The following NKIRAS1 variants were observed in gnomAD, a reference collection of about 807,000 sequenced individuals.
NKIRAS1 encodes NFKB inhibitor interacting Ras like 1.
A neutral mutation model predicts 19.8 loss-of-function variants in NKIRAS1; 16 were observed. The observed-to-expected ratio is 0.81, with a 90% CI of 0.55 to 1.23. The LOEUF is 1.23. NKIRAS1 is among the 50% of genes most tolerant of loss of function. The probability of loss-of-function intolerance (pLI) is 0.00; values close to 1 mark genes in which losing one functional copy is unlikely to be tolerated. For synonymous variants in NKIRAS1, 88 were observed against 79.0 expected (o/e 1.11, Z -0.61); for missense variants, 184 against 220.0 (o/e 0.84, Z 1.04).
chr3:23,920,012 TC>T, upstream of NKIRAS1: 1 of 986,752 alleles, frequency 1.0e-6, no homozygotes, highest in African/African-American at 1.7e-5. Context: ...AGGTGAAAGC[TC>T]CTGGTTCAGT....
intron 1 of NKIRAS1, chr3:23,923,739 T>C (rs1705157214): frequency 6.6e-6 from 1 of 152,232 alleles, no homozygotes; most frequent in African/African-American, 2.4e-5. Flanking sequence ...TTTATAGATA[T>C]TGCCAAATTG....
intron 1 of NKIRAS1, among the ~76,000 whole-genome samples, chr3:23,943,984 G>A (rs1575138515): frequency 6.6e-6 from 1 of 152,168 alleles, no homozygotes; most frequent in Non-Finnish European, 1.5e-5. Flanking sequence ...TTGACTGCTG[G>A]GGAGAAGTGA....
chr3:23,909,337 C>T (rs1437102247), intron 3 of NKIRAS1, among the ~76,000 whole-genome samples: 14 of 152,092 alleles, frequency 9.2e-5, no homozygotes, highest in Admixed American at 6.5e-4. Context: ...GCCTGGCCAA[C>T]GTGGTGAAAC....
At chr3:23,908,411 T>G (rs1703286453) in intron 3 of NKIRAS1, among the ~76,000 whole-genome samples, 1 of 152,206 alleles carries the variant, frequency 6.6e-6, no homozygotes, top group Non-Finnish European at 1.5e-5. Context: ...CTCCTACCTT[T>G]TCCAACTACA....
chr3:23,933,022 G>T (rs1267520873), intron 1 of NKIRAS1, among the ~76,000 whole-genome samples: 1 of 152,068 alleles, frequency 6.6e-6, no homozygotes, highest in Non-Finnish European at 1.5e-5. Flanking sequence ...GAGACTTCAG[G>T]CCTAATGTAA....
intron 2 of NKIRAS1, 48 bp from the exon 3 acceptor site, chr3:23,910,969 A>G: frequency 1.5e-6 from 2 of 1,368,244 alleles, no homozygotes; most frequent in Non-Finnish European, 2.1e-6. Context: ...GTTGAAATTA[A>G]CCATTTCTTT....
chr3:23,900,147 G>C (rs1300740819), intron 4 of NKIRAS1, among the ~76,000 whole-genome samples: 3 of 151,948 alleles, frequency 2.0e-5, no homozygotes, highest in African/African-American at 7.3e-5. Flanking sequence ...GGGTGAAAGA[G>C]AGAGACTCAG....
At chr3:23,924,439 C>G (rs1705173352) in intron 1 of NKIRAS1, 1 of 152,238 alleles carries the variant, frequency 6.6e-6, no homozygotes, top group Admixed American at 6.5e-5. Context: ...AGACGAGTCT[C>G]TGTCACCCAG....
upstream of NKIRAS1, chr3:23,920,592 C>T (rs556756065): frequency 1.5e-4 from 150 of 984,956 alleles, no homozygotes; most frequent in Non-Finnish European, 1.7e-4. Context: ...AAAATGTAGA[C>T]AAGGAATTGC....
chr3:23,915,318 T>C (rs1704234191), intron 1 of NKIRAS1, among the ~76,000 whole-genome samples: 1 of 152,112 alleles, frequency 6.6e-6, no homozygotes, highest in Admixed American at 6.5e-5. Context: ...GCCAAGGAAA[T>C]AAATGTACTC....
intron 1 of NKIRAS1, among the ~76,000 whole-genome samples, chr3:23,914,171 T>TAAAAAAAAAAAAAAAA (rs5847260): frequency 6.9e-6 from 1 of 144,720 alleles, no homozygotes; most frequent in Non-Finnish European, 1.5e-5. Context: ...AACTTGAGGC[T>TAAAAAAAAAAAAAAAA]AAAAAAAAAA....
intron 1 of NKIRAS1, chr3:23,945,555 C>G (rs1705635645): frequency 8.6e-7 from 1 of 1,156,486 alleles, no homozygotes; most frequent in Non-Finnish European, 1.1e-6. Flanking sequence ...AGCGGGCGGC[C>G]CCGGCCGCCT....
At chr3:23,909,401 C>T (rs1282801597) in intron 3 of NKIRAS1, among the ~76,000 whole-genome samples, 2 of 152,114 alleles carry the variant, frequency 1.3e-5, no homozygotes, top group African/African-American at 4.8e-5. Flanking sequence ...GTAGCACGCA[C>T]CCATAGTCCC....
At chr3:23,919,903 T>G (rs1253962804), upstream of NKIRAS1, 10 of 992,816 alleles carry the variant, frequency 1.0e-5, no homozygotes, top group Non-Finnish European at 1.2e-5. Context: ...TTTTTTTAGT[T>G]TGGCAGGTGT....
rs868446560 is a variant in NKIRAS1, at chr3:23,900,427, G to C, written c.336+381C>G. 9.2e-5 allele frequency among the ~76,000 whole-genome samples: 14 copies of C among 152,084 alleles called. 1 individual carries two copies. Among genetic ancestry groups the C allele is most frequent in the Non-Finnish European group, 1.5e-4 (10 of 68,018 alleles). On this transcript the variant is annotated intron_variant, in intron 4 of 4. Transcript: ENST00000425478. ...AGGCCGGCAAAGCACTTGAGGTTAGGAGTTCAAGACCAGCCTGGCCAACGC... is the reference window on the plus strand; with the variant it reads ...AGGCCGGCAAAGCACTTGAGGTTAGCAGTTCAAGACCAGCCTGGCCAACGC...
chr3:23,920,865 T>C, upstream of NKIRAS1: 1 of 814,500 alleles, frequency 1.2e-6, no homozygotes, highest in Non-Finnish European at 1.5e-6. Context: ...TCTGTTATTT[T>C]TTGTCATCTT....
chr3:23,901,890 T>C (rs1277911918), intron 3 of NKIRAS1, among the ~76,000 whole-genome samples: 5 of 152,150 alleles, frequency 3.3e-5, no homozygotes, highest in African/African-American at 1.2e-4. Context: ...CTGGCCAACA[T>C]GGCCAAACCC....
At chr3:23,936,109 G>C (rs1377433239) in intron 1 of NKIRAS1, among the ~76,000 whole-genome samples, 3 of 82,834 alleles carry the variant, frequency 3.6e-5, no homozygotes, top group Non-Finnish European at 5.9e-5. Flanking sequence ...AAAAAAAAGC[G>C]GGGTTGGGGA....
At chr3:23,902,609 C>T (rs533815979) in intron 3 of NKIRAS1, among the ~76,000 whole-genome samples, 24 of 152,182 alleles carry the variant, frequency 1.6e-4, no homozygotes, top group Non-Finnish European at 2.8e-4. Flanking sequence ...TAGCCCACCT[C>T]CACCTGCCTC....
Sources: allele counts gnomAD v4.1 joint callset (sites outside exome capture counted in the v4.1 genomes callset), GRCh38; gene constraint gnomAD v4.1.1; transcripts MANE v1.5; gene names NCBI Gene and HGNC (gene_info 2026-07-23, HGNC 2026-07-21).